PTPRR: variants seen among roughly 807,000 people sequenced by gnomAD.
PTPRR encodes protein tyrosine phosphatase receptor type R.
Under a neutral mutation model 77.2 loss-of-function variants are expected in PTPRR, and 38 were observed. The ratio of observed to expected loss-of-function variants is 0.49; its 90% CI spans 0.38 to 0.65. PTPRR has a LOEUF of 0.65. PTPRR is among the 30% of genes least tolerant of loss of function. The pLI, the probability that PTPRR is intolerant of heterozygous loss-of-function variation, is 0.00. For missense variants in PTPRR, 744 were observed against 799.2 expected (o/e 0.93, Z 0.83); for synonymous variants, 299 against 283.1 (o/e 1.06, Z -0.57).
At chr12:70,672,406 G>A (rs1887265779) in intron 10 of PTPRR, 2 of 1,188,560 alleles carry the variant, frequency 1.7e-6, no homozygotes, top group East Asian at 2.4e-5. Context: ...TGGAGCAGCT[G>A]TGGTCATTGG....
chr12:70,807,850 C>T (rs894652445), intron 2 of PTPRR, among the ~76,000 whole-genome samples: 17 of 152,220 alleles, frequency 1.1e-4, no homozygotes, highest in African/African-American at 1.4e-4. Flanking sequence ...GTGATGATTG[C>T]GTTAACTGCA....
chr12:70,733,465 T>TAAAAAAAA (rs1889748544), intron 6 of PTPRR, among the ~76,000 whole-genome samples: 1 of 73,476 alleles, frequency 1.4e-5, no homozygotes, highest in African/African-American at 7.9e-5. Context: ...AAAGAAAAAT[T>TAAAAAAAA]ATGGCAAAAA....
chr12:70,805,655 G>A (rs1891697366), intron 2 of PTPRR, among the ~76,000 whole-genome samples: 1 of 152,196 alleles, frequency 6.6e-6, no homozygotes, highest in Non-Finnish European at 1.5e-5. Flanking sequence ...CCTTCAGGGA[G>A]GTTGTAAAAT....
chr12:70,669,097 T>A (rs1566056145), intron 10 of PTPRR, among the ~76,000 whole-genome samples: 1 of 152,188 alleles, frequency 6.6e-6, no homozygotes, highest in African/African-American at 2.4e-5. Flanking sequence ...AGAATACTCA[T>A]AATGTTAAAA....
chr12:70,661,036 G>C lies in PTPRR; in HGVS notation c.1670C>G (p.Thr557Ser), dbSNP rs1886780879. ...TAGGAGGGGCTGGGCACTGTCTGGA[G>C]TCTTGTGATCAGGCCATGAGGTGTA... ...YWYTSWPDHK[T>S]PDSAQPLLQL... is the part of the protein sequence containing the mutation. Residue 557 changes from threonine (T) to serine (S), a missense_variant, in exon 12 of 14, where the codon ACT (threonine) becomes AGT (serine). This residue lies in a region of PTPRR where 170 missense variants were observed against 209.8 expected (regional missense o/e 0.81). Transcript: ENST00000283228. The C allele has an allele frequency of 6.2e-7, 1 of 1,613,458 alleles. No individual in the cohort carries two copies. The highest frequency in any genetic ancestry group is 1.7e-5 in the Admixed American group (1 of 59,946).
At chr12:70,888,087 C>G (rs904746632) in intron 2 of PTPRR, among the ~76,000 whole-genome samples, 5 of 151,624 alleles carry the variant, frequency 3.3e-5, no homozygotes, top group African/African-American at 1.2e-4. Flanking sequence ...ATCACCATAA[C>G]AAAAATGGGA....
intron 2 of PTPRR, among the ~76,000 whole-genome samples, chr12:70,794,922 A>G (rs1891485214): frequency 6.6e-6 from 1 of 152,216 alleles, no homozygotes; most frequent in South Asian, 2.1e-4. Context: ...CAAAACTAAA[A>G]GAACCCTTCT....
At chr12:70,834,153 A>G (rs889492320) in intron 2 of PTPRR, among the ~76,000 whole-genome samples, 2 of 152,202 alleles carry the variant, frequency 1.3e-5, no homozygotes, top group Non-Finnish European at 2.9e-5. Flanking sequence ...AGAATATGGC[A>G]ACCATACAGC....
At position 70,673,118 on chromosome 12, in the gene PTPRR, A is replaced by G. The variant is rs1239335504; in HGVS notation, c.1498-10513T>C. The G allele has an allele frequency of 1.1e-5, 9 of 847,742 alleles. No individual in the cohort carries two copies. The South Asian group carries it at 1.3e-4, about 12-fold the overall frequency. 52.5% of individuals were successfully genotyped at this position (847,742 alleles called of 1,614,324 possible). ...GGTACAATGACATCCTTGGTCTTGG[A>G]GAAGGAGGATGAGAGCAACCGTCTG... On this transcript the variant is annotated intron_variant, in intron 10 of 13. Coordinates refer to ENST00000283228, the MANE Select transcript of PTPRR (RefSeq NM_002849.4).
chr12:70,902,082 G>A (rs780977589), intron 1 of PTPRR, among the ~76,000 whole-genome samples: 2 of 151,668 alleles, frequency 1.3e-5, no homozygotes, highest in East Asian at 3.9e-4. Context: ...CATCACTAAT[G>A]ATCAGGGAAA....
At position 70,646,003 on chromosome 12, in the gene PTPRR, C is replaced by T. The variant is rs544321772; in HGVS notation, c.1881-6726G>A. On this transcript the variant is annotated intron_variant, in intron 13 of 13. Coordinates refer to ENST00000283228, the MANE Select transcript of PTPRR (RefSeq NM_002849.4). ...CCTGTCGTACCGCCCAGCCCGTATC[C>T]GGTCTAATCAGTAGACAGAAGAAAT... 1.1e-4 allele frequency among the ~76,000 whole-genome samples: 17 copies of T among 152,294 alleles called. No homozygotes were observed. The East Asian group carries it at 3.3e-3, about 29-fold the overall frequency.
chr12:70,822,984 A>G (rs1892044220), intron 2 of PTPRR, among the ~76,000 whole-genome samples: 1 of 151,860 alleles, frequency 6.6e-6, no homozygotes, highest in Admixed American at 6.6e-5. Context: ...AAAAAAGTCA[A>G]GTGAAACCAA....
At chr12:70,702,059 G>A (rs550320113) in intron 6 of PTPRR, among the ~76,000 whole-genome samples, 36 of 152,230 alleles carry the variant, frequency 2.4e-4, no homozygotes, top group Non-Finnish European at 4.7e-4. Context: ...GCACGCATAT[G>A]TGAATTGACA....
chr12:70,643,992 T>C (rs1359667587), intron 13 of PTPRR, among the ~76,000 whole-genome samples: 1 of 152,128 alleles, frequency 6.6e-6, no homozygotes, highest in Non-Finnish European at 1.5e-5. Flanking sequence ...AACTAAAACA[T>C]AACCCCAGCC....
chr12:70,796,338 CACTT>C (rs1239893804), intron 2 of PTPRR, among the ~76,000 whole-genome samples: 2 of 150,702 alleles, frequency 1.3e-5, no homozygotes, highest in Admixed American at 1.3e-4. Flanking sequence ...TCAGAATATA[CACTT>C]TTTTTTAACA....
intron 6 of PTPRR, among the ~76,000 whole-genome samples, chr12:70,730,921 G>GGA (rs752083558): frequency 2.3e-4 from 34 of 148,738 alleles, no homozygotes; most frequent in East Asian, 8.1e-4. Flanking sequence ...AGAGAATGAA[G>GGA]GAGAGAGAGA....
chr12:70,714,991 A>T (rs1888967904), intron 6 of PTPRR, among the ~76,000 whole-genome samples: 2 of 151,906 alleles, frequency 1.3e-5, no homozygotes, highest in Admixed American at 1.3e-4. Flanking sequence ...TCTCCAAAAA[A>T]AGTTTCTTCT....
In PTPRR at chr12:70,684,780, G is replaced by C. The variant is rs540375685; in HGVS notation, c.1283C>G (p.Pro428Arg). Residue 428 changes from proline (P) to arginine (R), a missense_variant, in exon 9 of 14, where the codon CCC becomes CGC. Pro to Arg is a moderately radical substitution (Grantham distance 103, BLOSUM62 -2). This residue lies in a region of PTPRR where 570 missense variants were observed against 573.2 expected (regional missense o/e 0.99). Transcript: ENST00000283228. ...KNRYKTILPN[P>R]LSRVCLRPKN... The stretch of plus-strand genomic sequence containing the variant: ...TGGTCTTAAACACACTCTGCTGAGG[G>C]GATCTAATGAAGAAAACAAAAAAGA... 1 of 1,592,580 alleles carries C rather than the reference G, an allele frequency of 6.3e-7. No homozygotes were observed. The highest frequency in any genetic ancestry group is 8.6e-7 in the Non-Finnish European group (1 of 1,168,808).
chr12:70,645,988 C>A lies in PTPRR; in HGVS notation c.1881-6711G>T, dbSNP rs189940902. Among the ~76,000 whole-genome samples, 553 of 152,248 alleles carry A rather than the reference C, an allele frequency of 3.6e-3. 13 individuals are homozygous for A. The highest frequency in any genetic ancestry group is 0.025 in the Admixed American group (388 of 15,284). On this transcript the variant is annotated intron_variant, in intron 13 of 13. Coordinates refer to ENST00000283228, the MANE Select transcript of PTPRR (RefSeq NM_002849.4). ...AGAGCAACAGCCTTTCCTGTCGTAC[C>A]GCCCAGCCCGTATCCGGTCTAATCA...
Sources: allele counts gnomAD v4.1 joint callset (sites outside exome capture counted in the v4.1 genomes callset), GRCh38; gene constraint gnomAD v4.1.1; regional missense constraint gnomAD v4.1.1; transcripts MANE v1.5; gene names NCBI Gene and HGNC (gene_info 2026-07-23, HGNC 2026-07-21).